The following SEPTIN11 variants were observed in gnomAD, a reference collection of about 807,000 sequenced individuals.
SEPTIN11 encodes the protein septin-11.
A neutral mutation model predicts 51.4 loss-of-function variants in SEPTIN11; 25 were observed. The observed-to-expected ratio is 0.49, with a 90% CI of 0.35 to 0.68. The LOEUF (loss-of-function observed/expected upper bound fraction) is 0.68, where lower values mean the gene tolerates loss of function less well. SEPTIN11 is among the 30% of genes least tolerant of loss of function. SEPTIN11 has a pLI of 0.00. For synonymous variants in SEPTIN11, 174 were observed against 184.1 expected (o/e 0.95, Z 0.44); for missense variants, 381 against 520.8 (o/e 0.73, Z 2.61).
At chr4:77,026,764 A>C (rs897052865) in intron 7 of SEPTIN11, among the ~76,000 whole-genome samples, 18 of 152,240 alleles carry the variant, frequency 1.2e-4, no homozygotes, top group African/African-American at 4.1e-4. Flanking sequence ...GTAAAATTTC[A>C]TAAGAGGGAC....
At chr4:77,015,611 G>A (rs955064243) in intron 5 of SEPTIN11, among the ~76,000 whole-genome samples, 11 of 152,154 alleles carry the variant, frequency 7.2e-5, no homozygotes, top group Admixed American at 5.2e-4. Flanking sequence ...TCTTTTGTGT[G>A]TCTCACAGCC....
chr4:76,949,936 T>A lies in SEPTIN11; in HGVS notation c.27+6T>A. The A allele has an allele frequency of 6.7e-7, 1 of 1,500,624 alleles. No individual in the cohort carries two copies. The allele number at this position is 1,500,624 out of a possible 1,614,324, so 93.0% of individuals were successfully genotyped here. On this transcript the variant is annotated splice_donor_region_variant and intron_variant, in intron 1 of 9. Transcript: ENST00000264893. ...TGGCCGTGGGGAGACCGTCTGTGAGTGCTGGGGCCTCGCCTGCTGCTCCTC... is the reference window on the plus strand; with the variant it reads ...TGGCCGTGGGGAGACCGTCTGTGAGAGCTGGGGCCTCGCCTGCTGCTCCTC...
At position 77,038,023 on chromosome 4, in the gene SEPTIN11, C is replaced by G; in HGVS notation, c.*3511C>G. On this transcript the variant is annotated 3_prime_UTR_variant, in exon 10 of 10. Transcript: ENST00000264893. Reference sequence around the variant, plus strand: ...ATTGGGTGAGGTTTTTCAGCTGTTACCGACCCACGTCCTGCTGTCTCTGTG... The same window carrying G: ...ATTGGGTGAGGTTTTTCAGCTGTTAGCGACCCACGTCCTGCTGTCTCTGTG... 1.0e-6 allele frequency: 1 copy of G among 985,878 alleles called. No homozygotes were observed. 61.1% of individuals were successfully genotyped at this position (985,878 alleles called of 1,614,324 possible). A position where few individuals can be genotyped will look rare whatever the true frequency, so the allele number is the denominator to read the frequency against.
Position 77,035,655 on chromosome 4 carries a change from T to A in SEPTIN11, c.*1143T>A, listed in dbSNP as rs986568886. On this transcript the variant is annotated 3_prime_UTR_variant, in exon 10 of 10. Transcript: ENST00000264893. ...ATTTGGCAATAAAAGAAAGAAGAAATAGAACAGCTGAAGTCTCAAATCATT... is the reference window on the plus strand; with the variant it reads ...ATTTGGCAATAAAAGAAAGAAGAAAAAGAACAGCTGAAGTCTCAAATCATT... The A allele has an allele frequency of 1.0e-6, 1 of 985,594 alleles. No individual in the cohort carries two copies. Among genetic ancestry groups the A allele is most frequent in the Non-Finnish European group, 1.2e-6 (1 of 829,916 alleles). The allele number at this position is 985,594 out of a possible 1,614,324, so 61.1% of individuals were successfully genotyped here. A position where few individuals can be genotyped will look rare whatever the true frequency, so the allele number is the denominator to read the frequency against.
intron 1 of SEPTIN11, among the ~76,000 whole-genome samples, chr4:76,965,681 T>C (rs576424057): frequency 2.0e-5 from 3 of 152,276 alleles, no homozygotes; most frequent in South Asian, 2.1e-4. Context: ...CTTGCACCAA[T>C]GATATTTAAA....
Position 77,037,733 on chromosome 4 carries a change from A to G in SEPTIN11, c.*3221A>G. On this transcript the variant is annotated 3_prime_UTR_variant, in exon 10 of 10. Transcript: ENST00000264893. ...CACATGTACTGTAGAATGTGATGGA[A>G]AAGCATTGATGAGAATTTATTGGCA... is the stretch of plus-strand genomic sequence containing the variant. 1 of 985,890 alleles carries G rather than the reference A, an allele frequency of 1.0e-6. No homozygotes were observed. Among genetic ancestry groups the G allele is most frequent in the Non-Finnish European group, 1.2e-6 (1 of 829,928 alleles). The allele number at this position is 985,890 out of a possible 1,614,324, so 61.1% of individuals were successfully genotyped here. A position where few individuals can be genotyped will look rare whatever the true frequency, so the allele number is the denominator to read the frequency against.
intron 2 of SEPTIN11, among the ~76,000 whole-genome samples, chr4:77,000,114 G>A (rs1296023672): frequency 2.6e-5 from 4 of 152,182 alleles, no homozygotes; most frequent in Non-Finnish European, 2.9e-5. Flanking sequence ...ATAAGATACT[G>A]TAACATCTCT....
At position 76,951,204 on chromosome 4, in the gene SEPTIN11, C is replaced by T. The variant is rs180808675; in HGVS notation, c.27+1274C>T. Among the ~76,000 whole-genome samples, 587 of 152,324 alleles carry T rather than the reference C, an allele frequency of 3.9e-3. 5 individuals are homozygous for T. The highest frequency in any genetic ancestry group is 0.014 in the African/African-American group (567 of 41,580). On this transcript the variant is annotated intron_variant, in intron 1 of 9. Transcript: ENST00000264893. The stretch of plus-strand genomic sequence containing the variant: ...GCGCGCCTTTTGCACCCTACCCCCT[C>T]GGGAGAAGTTCATGGGTCCCTTTGC...
chr4:76,995,771 C>G, intron 1 of SEPTIN11: 1 of 1,497,848 alleles, frequency 6.7e-7, no homozygotes, highest in Non-Finnish European at 8.8e-7. Flanking sequence ...TGATAACTAC[C>G]TTACCCTAGT....
intron 1 of SEPTIN11, among the ~76,000 whole-genome samples, chr4:76,968,980 G>T (rs565185936): frequency 2.0e-5 from 3 of 152,138 alleles, no homozygotes; most frequent in East Asian, 1.9e-4. Flanking sequence ...TTTTTATTGA[G>T]AAATATGGAG....
chr4:77,018,346 C>G lies in SEPTIN11; in HGVS notation c.688-819C>G, dbSNP rs537719131. ...TGCCTGTAGTCCCAGCTATTTGGGA[C>G]GCTGAGGCAGGAGAATGGCGTGAAC... On this transcript the variant is annotated intron_variant, in intron 5 of 9. Transcript: ENST00000264893. Among the ~76,000 whole-genome samples, 100 of 151,668 alleles carry G rather than the reference C, an allele frequency of 6.6e-4. 1 individual carries two copies. Among genetic ancestry groups the G allele is most frequent in the South Asian group, 1.0e-3 (5 of 4,802 alleles).
At chr4:76,960,877 T>A (rs933500096) in intron 1 of SEPTIN11, among the ~76,000 whole-genome samples, 1 of 152,214 alleles carries the variant, frequency 6.6e-6, no homozygotes, top group Admixed American at 6.5e-5. Flanking sequence ...TTCAAAATTT[T>A]GGAATAAGGT....
intron 2 of SEPTIN11, among the ~76,000 whole-genome samples, chr4:76,999,850 C>T (rs1724001115): frequency 6.6e-6 from 1 of 152,144 alleles, no homozygotes; most frequent in Admixed American, 6.5e-5. Flanking sequence ...GTTCATCATT[C>T]CCCTTCTCTC....
chr4:76,959,115 C>G (rs1721696409), intron 1 of SEPTIN11: 3 of 633,952 alleles, frequency 4.7e-6, no homozygotes, highest in Admixed American at 3.8e-5. Context: ...AGTTTATTGC[C>G]TGCGGTGTCC....
At chr4:76,955,953 A>T (rs1721541222) in intron 1 of SEPTIN11, among the ~76,000 whole-genome samples, 1 of 152,178 alleles carries the variant, frequency 6.6e-6, no homozygotes. Flanking sequence ...GACTCTTTCC[A>T]CCTTGGACTT....
rs1274348859 is a variant in SEPTIN11 at position 76,949,841 on chromosome 4, C to G, written c.-63C>G. The G allele has an allele frequency of 5.3e-6, 8 of 1,496,554 alleles. No homozygotes were observed. The highest frequency in any genetic ancestry group is 6.2e-6 in the Non-Finnish European group (7 of 1,123,534). 92.7% of individuals were successfully genotyped at this position (1,496,554 alleles called of 1,614,324 possible). On this transcript the variant is annotated 5_prime_UTR_variant, in exon 1 of 10. Transcript: ENST00000264893. ...AGGGAGGCGAGCCGGAGCCCGAGCACTAGCAGCAGCCGGAGTCGGCGTAAA... is the reference window on the plus strand; with the variant it reads ...AGGGAGGCGAGCCGGAGCCCGAGCAGTAGCAGCAGCCGGAGTCGGCGTAAA...
At chr4:77,016,631 C>CATATATATATATATATATAT (rs1560736233) in intron 5 of SEPTIN11, among the ~76,000 whole-genome samples, 1 of 22,722 alleles carries the variant, frequency 4.4e-5, no homozygotes, top group Non-Finnish European at 8.7e-5. Flanking sequence ...TATATATATA[C>CATATATATATATATATATAT]ACATATATAT....
chr4:77,029,626 T>C (rs897421964), intron 8 of SEPTIN11, among the ~76,000 whole-genome samples: 3 of 152,092 alleles, frequency 2.0e-5, no homozygotes, highest in Non-Finnish European at 2.9e-5. Flanking sequence ...TCTAAAATTG[T>C]CTAGAATTCC....
chr4:77,039,381 G>A, downstream of SEPTIN11: 1 of 1,077,422 alleles, frequency 9.3e-7, no homozygotes, highest in African/African-American at 1.7e-5. Context: ...AAGGTCTTGT[G>A]CTGGGATCCC....
Sources: gnomAD v4.1 joint callset for allele counts (sites outside exome capture counted in the v4.1 genomes callset) on GRCh38, gnomAD v4.1.1 for gene constraint, MANE v1.5 for transcripts, NCBI Gene and HGNC (gene_info 2026-07-23, HGNC 2026-07-21) for gene names.